Variants in DGKB observed in about 807,000 individuals in gnomAD.
DGKB encodes the protein diacylglycerol kinase beta.
A neutral mutation model predicts 114.3 loss-of-function variants in DGKB; 67 were observed. The observed-to-expected ratio is 0.59, with a 90% CI of 0.48 to 0.72. DGKB has a LOEUF of 0.72. DGKB is among the 30% of genes least tolerant of loss of function. DGKB has a pLI of 0.00. For synonymous variants in DGKB, 398 were observed against 323.1 expected, an observed-to-expected ratio of 1.23 and a Z score of -2.49; for missense variants, 907 against 975.2, an observed-to-expected ratio of 0.93 and a Z score of 0.93.
At chr7:14,884,353 G>A (rs2128217995) in intron 1 of DGKB, among the ~76,000 whole-genome samples, 1 of 151,916 alleles carries the variant, frequency 6.6e-6, no homozygotes, top group South Asian at 2.1e-4. Context: ...AAAAAGAAAA[G>A]GTCCATCCTT....
intron 17 of DGKB, among the ~76,000 whole-genome samples, chr7:14,597,185 G>A (rs556375926): frequency 1.3e-5 from 2 of 152,216 alleles, no homozygotes; most frequent in South Asian, 2.1e-4. Flanking sequence ...TCCAGCCTGG[G>A]CGACAGAGCA....
At chr7:14,256,828 G>A (rs957231707) in intron 23 of DGKB, among the ~76,000 whole-genome samples, 1 of 135,164 alleles carries the variant, frequency 7.4e-6, no homozygotes, top group Non-Finnish European at 1.7e-5. Context: ...GGGCCAATAA[G>A]CTTCTCCTTG....
intron 4 of DGKB, among the ~76,000 whole-genome samples, chr7:14,748,859 T>A (rs992742263): frequency 1.3e-5 from 2 of 152,204 alleles, no homozygotes; most frequent in Non-Finnish European, 2.9e-5. Flanking sequence ...ATCATTCAAC[T>A]ATTATAGATA....
At chr7:14,188,659 C>CAAAAAAAAAA (rs35808078) in intron 23 of DGKB, among the ~76,000 whole-genome samples, 2 of 34,088 alleles carry the variant, frequency 5.9e-5, no homozygotes, top group African/African-American at 1.8e-4. Flanking sequence ...GACTCCGTCT[C>CAAAAAAAAAA]AAAAAAAAAA....
intron 23 of DGKB, among the ~76,000 whole-genome samples, chr7:14,318,347 G>T (rs1391130202): frequency 6.6e-6 from 1 of 151,630 alleles, no homozygotes; most frequent in African/African-American, 2.4e-5. Flanking sequence ...GAGTGAACAG[G>T]CAACCTATAG....
chr7:14,511,418 T>C (rs1294565539), intron 20 of DGKB, among the ~76,000 whole-genome samples: 16 of 152,188 alleles, frequency 1.1e-4, no homozygotes, highest in Admixed American at 1.0e-3. Context: ...TTCCAACTTT[T>C]CTTCTGCAGC....
intron 20 of DGKB, among the ~76,000 whole-genome samples, chr7:14,519,667 T>C (rs560936892): frequency 1.4e-4 from 22 of 152,122 alleles, no homozygotes; most frequent in Non-Finnish European, 2.4e-4. Context: ...TTTTATCTAC[T>C]GGAAACTAGT....
chr7:14,751,982 A>G (rs1834191374), intron 4 of DGKB, among the ~76,000 whole-genome samples: 1 of 152,160 alleles, frequency 6.6e-6, no homozygotes, highest in Non-Finnish European at 1.5e-5. Context: ...AGAGCTATTT[A>G]TTATACATAC....
At chr7:14,199,762 G>A (rs1785555976) in intron 23 of DGKB, among the ~76,000 whole-genome samples, 1 of 152,064 alleles carries the variant, frequency 6.6e-6, no homozygotes, top group South Asian at 2.1e-4. Flanking sequence ...ATGTTACTAT[G>A]TTATTGCTTT....
intron 23 of DGKB, among the ~76,000 whole-genome samples, chr7:14,265,847 A>T (rs1411831314): frequency 6.6e-6 from 1 of 152,208 alleles, no homozygotes; most frequent in Non-Finnish European, 1.5e-5. Context: ...TCCAAATACC[A>T]TGCTTATTCT....
rs183651577 is a variant in DGKB at position 14,265,690 on chromosome 7, T to C, written c.2122+72825A>G. On this transcript the variant is annotated intron_variant, in intron 23 of 25. Coordinates refer to ENST00000402815, the MANE Select transcript of DGKB (RefSeq NM_001350709.2). ...CTGCCTTTCCCTTAGATTCTCAGAA[T>C]ATTGAAGGCAAGAACTGTGTCTGTT... Among the ~76,000 whole-genome samples the C allele has an allele frequency of 4.6e-3, 708 of 152,280 alleles. 5 individuals carry two copies. Among genetic ancestry groups the C allele is most frequent in the Non-Finnish European group, 4.7e-3 (317 of 68,024 alleles).
chr7:14,397,324 T>G (rs1018451418), intron 21 of DGKB, among the ~76,000 whole-genome samples: 2 of 152,164 alleles, frequency 1.3e-5, no homozygotes, highest in Admixed American at 6.5e-5. Context: ...AGCGTAGTGG[T>G]TGGCCTACTG....
chr7:14,837,293 A>G (rs1847290821), intron 2 of DGKB, among the ~76,000 whole-genome samples: 2 of 152,170 alleles, frequency 1.3e-5, no homozygotes, highest in South Asian at 2.1e-4. Flanking sequence ...TTAGGAGAAC[A>G]ATCATAGTTA....
At chr7:14,721,622 T>C (rs1415276580) in intron 5 of DGKB, among the ~76,000 whole-genome samples, 1 of 152,156 alleles carries the variant, frequency 6.6e-6, no homozygotes, top group Non-Finnish European at 1.5e-5. Flanking sequence ...TGTGTCACAG[T>C]TTTACATTTA....
At chr7:14,886,762 G>A (rs1255418536) in intron 1 of DGKB, among the ~76,000 whole-genome samples, 4 of 151,778 alleles carry the variant, frequency 2.6e-5, no homozygotes, top group African/African-American at 9.7e-5. Flanking sequence ...TGCAGCTAGA[G>A]TAATCCCATC....
intron 21 of DGKB, among the ~76,000 whole-genome samples, chr7:14,439,599 C>T (rs974040100): frequency 3.3e-5 from 5 of 152,058 alleles, no homozygotes; most frequent in Admixed American, 2.0e-4. Context: ...CACAGTGGCT[C>T]ATGCCTGTAA....
chr7:14,215,444 C>A (rs181101178), intron 23 of DGKB, among the ~76,000 whole-genome samples: 3 of 152,102 alleles, frequency 2.0e-5, no homozygotes, highest in African/African-American at 4.8e-5. Context: ...CACGTACACT[C>A]CCTTTCAAAT....
chr7:14,338,518 G>C lies in DGKB; in HGVS notation c.2119C>G (p.Gln707Glu). The change falls in exon 23 of 26, where the codon CAA (glutamine) becomes GAA (glutamate). Residue 707 changes from glutamine (Q) to glutamate (E), a missense_variant. Around this residue, in one of 3 missense-constraint regions of DGKB, gnomAD observed 814 missense variants for 856.6 expected, o/e 0.95. Transcript: ENST00000402815. ...TDAKELKFASQDLSDQLLEVV... is the reference protein window; with the variant it reads ...TDAKELKFASEDLSDQLLEVV... Reference sequence around the variant, plus strand: ...AACTAATTGTTAGAAAACTGACCTTGACTTGCAAACTTCAACTCTTTGGCA... The same window carrying C: ...AACTAATTGTTAGAAAACTGACCTTCACTTGCAAACTTCAACTCTTTGGCA... 1 of 1,557,198 alleles carries C rather than the reference G, an allele frequency of 6.4e-7. No homozygotes were observed. Among genetic ancestry groups the C allele is most frequent in the Non-Finnish European group, 8.7e-7 (1 of 1,154,782 alleles).
chr7:14,694,372 C>T (rs1823444536), intron 8 of DGKB, among the ~76,000 whole-genome samples, 178 bp from the exon 9 acceptor site: 1 of 152,150 alleles, frequency 6.6e-6, no homozygotes, highest in African/African-American at 2.4e-5. Flanking sequence ...ATTTCTAAAC[C>T]TGGCCACTTA....
Sources: gnomAD v4.1 joint callset for allele counts (sites outside exome capture counted in the v4.1 genomes callset) on GRCh38, gnomAD v4.1.1 for gene constraint, gnomAD v4.1.1 regional missense constraint, MANE v1.5 for transcripts, NCBI Gene and HGNC (gene_info 2026-07-23, HGNC 2026-07-21) for gene names.